Variants in NKAIN2 observed in about 807,000 individuals in gnomAD.
The protein encoded by NKAIN2 is sodium/potassium transporting ATPase interacting 2.
A neutral mutation model predicts 32.6 loss-of-function variants in NKAIN2; 14 were observed. The observed-to-expected ratio is 0.43, with a 90% CI of 0.28 to 0.67. NKAIN2 has a LOEUF of 0.67. Among genes scored for constraint, NKAIN2 ranks in the 30% least tolerant of loss-of-function variants. The pLI, the probability that NKAIN2 is intolerant of heterozygous loss-of-function variation, is 0.17. For missense variants in NKAIN2, 198 were observed against 258.3 expected (o/e 0.77, Z 1.60); for synonymous variants, 80 against 87.2 (o/e 0.92, Z 0.46).
At chr6:124,525,709 T>G (rs376199516) in intron 3 of NKAIN2, among the ~76,000 whole-genome samples, 1 of 149,024 alleles carries the variant, frequency 6.7e-6, no homozygotes, top group African/African-American at 2.5e-5. Context: ...TATTGTTGTT[T>G]TGTTTTATAC....
At chr6:124,720,775 T>A (rs1428327308) in intron 4 of NKAIN2, among the ~76,000 whole-genome samples, 1 of 152,112 alleles carries the variant, frequency 6.6e-6, no homozygotes, top group Admixed American at 6.5e-5. Flanking sequence ...AGGAACCAGG[T>A]GGTTCCATTT....
intron 1 of NKAIN2, among the ~76,000 whole-genome samples, chr6:123,908,917 CAT>C (rs797010240): frequency 7.9e-5 from 12 of 152,226 alleles, no homozygotes; most frequent in African/African-American, 2.9e-4. Flanking sequence ...ATTTTAATTG[CAT>C]ATGTTAGCAA....
chr6:124,167,886 T>G (rs1325780028), intron 1 of NKAIN2, among the ~76,000 whole-genome samples: 1 of 152,140 alleles, frequency 6.6e-6, no homozygotes, highest in Non-Finnish European at 1.5e-5. Flanking sequence ...TGTACTTAGG[T>G]AGCCTCTTGA....
intron 3 of NKAIN2, among the ~76,000 whole-genome samples, chr6:124,401,100 T>C (rs189764187): frequency 2.0e-5 from 3 of 152,322 alleles, no homozygotes; most frequent in Admixed American, 1.3e-4. Context: ...TTACAAAATA[T>C]GTATCCCTTT....
At chr6:124,791,699 G>A (rs2114808403) in intron 5 of NKAIN2, among the ~76,000 whole-genome samples, 1 of 152,238 alleles carries the variant, frequency 6.6e-6, no homozygotes, top group Admixed American at 6.5e-5. Flanking sequence ...AGATGGAAAT[G>A]ATTTTAAAAT....
At chr6:124,770,944 TAAAGA>T (rs1778726552) in intron 4 of NKAIN2, among the ~76,000 whole-genome samples, 1 of 152,094 alleles carries the variant, frequency 6.6e-6, no homozygotes, top group African/African-American at 2.4e-5. Context: ...CAGAAAATTG[TAAAGA>T]AAAGAGAGTA....
intron 1 of NKAIN2, among the ~76,000 whole-genome samples, chr6:123,941,887 C>T (rs535984626): frequency 1.3e-5 from 2 of 151,972 alleles, no homozygotes; most frequent in South Asian, 4.1e-4. Context: ...TTTTACCAAT[C>T]CCTTCCCTGC....
At chr6:124,209,415 A>G (rs1387999858) in intron 1 of NKAIN2, among the ~76,000 whole-genome samples, 1 of 151,796 alleles carries the variant, frequency 6.6e-6, no homozygotes, top group Non-Finnish European at 1.5e-5. Context: ...TACATATGGG[A>G]GTGCAGATAT....
chr6:124,621,635 T>C (rs1482750158), intron 3 of NKAIN2, among the ~76,000 whole-genome samples: 1 of 152,176 alleles, frequency 6.6e-6, no homozygotes, highest in Non-Finnish European at 1.5e-5. Context: ...GCTGAAGCTG[T>C]CATTTGTCCC....
chr6:123,827,014 T>G (rs74399789), intron 1 of NKAIN2, among the ~76,000 whole-genome samples: 2 of 151,694 alleles, frequency 1.3e-5, no homozygotes, highest in Non-Finnish European at 2.9e-5. Flanking sequence ...TTATTTTCTG[T>G]TTTTTTTGAT....
intron 2 of NKAIN2, among the ~76,000 whole-genome samples, chr6:124,298,313 TTATCTC>T (rs1796150710): frequency 6.6e-6 from 1 of 152,200 alleles, no homozygotes; most frequent in Non-Finnish European, 1.5e-5. Context: ...GTTTTCTTCT[TTATCTC>T]TTTCTATTTT....
intron 1 of NKAIN2, among the ~76,000 whole-genome samples, chr6:123,875,164 A>G (rs1222827106): frequency 6.6e-6 from 1 of 151,954 alleles, no homozygotes; most frequent in Admixed American, 6.6e-5. Flanking sequence ...TTTCTTTTAT[A>G]GTAAATAACA....
intron 3 of NKAIN2, among the ~76,000 whole-genome samples, chr6:124,601,948 T>C (rs1782323429): frequency 6.6e-6 from 1 of 152,022 alleles, no homozygotes; most frequent in African/African-American, 2.4e-5. Flanking sequence ...TCAGTCTTTT[T>C]CTTTTCTTTT....
intron 2 of NKAIN2, among the ~76,000 whole-genome samples, chr6:124,337,523 T>TA (rs1490732042): frequency 6.6e-6 from 1 of 151,904 alleles, no homozygotes; most frequent in Non-Finnish European, 1.5e-5. Flanking sequence ...CCAAACCAAA[T>TA]AAAAAAACAA....
intron 4 of NKAIN2, among the ~76,000 whole-genome samples, chr6:124,719,328 G>A (rs2114627411): frequency 6.6e-6 from 1 of 151,866 alleles, no homozygotes; most frequent in East Asian, 1.9e-4. Flanking sequence ...TTCTGACTAT[G>A]GTACATTAAG....
intron 5 of NKAIN2, among the ~76,000 whole-genome samples, chr6:124,811,047 A>G (rs1037022717): frequency 2.0e-5 from 3 of 152,140 alleles, no homozygotes; most frequent in Non-Finnish European, 4.4e-5. Flanking sequence ...ATTCTTTTCA[A>G]TTTGGCTTAT....
chr6:124,600,407 T>C (rs1048802599), intron 3 of NKAIN2, among the ~76,000 whole-genome samples: 1 of 152,152 alleles, frequency 6.6e-6, no homozygotes, highest in African/African-American at 2.4e-5. Flanking sequence ...AAATAAAATG[T>C]ATTTTTGAAT....
chr6:124,332,878 G>A (rs1182044016), intron 2 of NKAIN2, among the ~76,000 whole-genome samples: 1 of 152,096 alleles, frequency 6.6e-6, no homozygotes, highest in Non-Finnish European at 1.5e-5. Flanking sequence ...CACTCATCCA[G>A]GAATGTTAGT....
intron 1 of NKAIN2, among the ~76,000 whole-genome samples, chr6:123,958,265 A>G (rs1455193196): frequency 1.3e-5 from 2 of 152,190 alleles, no homozygotes; most frequent in Non-Finnish European, 2.9e-5. Flanking sequence ...AAATCATCAG[A>G]AATCATCAGG....
Sources: gnomAD v4.1 joint callset for allele counts (sites outside exome capture counted in the v4.1 genomes callset) on GRCh38, gnomAD v4.1.1 for gene constraint, MANE v1.5 for transcripts, NCBI Gene and HGNC (gene_info 2026-07-23, HGNC 2026-07-21) for gene names.